The following PTPRT variants were observed in gnomAD, a reference collection of about 807,000 sequenced individuals.
The protein encoded by PTPRT is protein tyrosine phosphatase receptor type T.
In PTPRT, 56 loss-of-function variants were observed where a neutral mutation model predicts 176.8. The ratio of observed to expected loss-of-function variants is 0.32; its 90% CI spans 0.26 to 0.40. PTPRT has a LOEUF of 0.40. PTPRT is among the 10% of genes least tolerant of loss of function. The pLI, the probability that PTPRT is intolerant of heterozygous loss-of-function variation, is 1.00. For missense variants in PTPRT, 1,540 were observed against 1,908.2 expected (o/e 0.81, Z 3.60); for synonymous variants, 783 against 739.0 (o/e 1.06, Z -0.96).
At chr20:42,343,737 A>ACACTGGCCAGTGC (rs2058146161) in intron 11 of PTPRT, among the ~76,000 whole-genome samples, 1 of 152,208 alleles carries the variant, frequency 6.6e-6, no homozygotes, top group South Asian at 2.1e-4. Flanking sequence ...GATGTGCCCT[A>ACACTGGCCAGTGC]CACTGGCCAG....
intron 4 of PTPRT, among the ~76,000 whole-genome samples, chr20:42,779,560 ACTTATGG>A (rs1408540925): frequency 1.3e-5 from 2 of 152,206 alleles, no homozygotes; most frequent in African/African-American, 4.8e-5. Flanking sequence ...TGTACCCAGG[ACTTATGG>A]CCTCTGAGAT....
chr20:42,155,794 G>A (rs1989325038), intron 17 of PTPRT, among the ~76,000 whole-genome samples: 1 of 152,104 alleles, frequency 6.6e-6, no homozygotes, highest in Non-Finnish European at 1.5e-5. Context: ...GGTTTGGGCA[G>A]CCCCATATTT....
intron 17 of PTPRT, among the ~76,000 whole-genome samples, chr20:42,149,277 G>C (rs1989018503): frequency 6.6e-6 from 1 of 152,172 alleles, no homozygotes; most frequent in African/African-American, 2.4e-5. Flanking sequence ...CTCTAGAAAG[G>C]GAGGCTCTCC....
intron 1 of PTPRT, among the ~76,000 whole-genome samples, chr20:43,144,753 G>A (rs2146407616): frequency 6.6e-6 from 1 of 152,086 alleles, no homozygotes; most frequent in African/African-American, 2.4e-5. Context: ...GATGATGATT[G>A]CACAACTCTG....
intron 1 of PTPRT, among the ~76,000 whole-genome samples, chr20:43,094,302 G>T (rs1458476636): frequency 1.3e-5 from 2 of 149,998 alleles, no homozygotes; most frequent in African/African-American, 4.9e-5. Flanking sequence ...TGGCCAGGAT[G>T]GTCTCCATCT....
At chr20:42,126,502 T>C (rs1246367336) in intron 19 of PTPRT, among the ~76,000 whole-genome samples, 1 of 152,218 alleles carries the variant, frequency 6.6e-6, no homozygotes, top group African/African-American at 2.4e-5. Context: ...TGAAAGGTGA[T>C]CAGTAATTCT....
In PTPRT at chr20:43,042,325, T is replaced by C. The variant is rs549968897; in HGVS notation, c.88+147321A>G. ...GTAGGCTGCAATTTAAAATGTCTCA[T>C]CGTCCAGTGATCCAGGCGATAATTT... On this transcript the variant is annotated intron_variant, in intron 1 of 30. Transcript: ENST00000373187. Among the ~76,000 whole-genome samples, 12 of 152,128 alleles carry C rather than the reference T, an allele frequency of 7.9e-5. No individual in the cohort carries two copies. In the East Asian group the frequency reaches 2.1e-3, roughly 27 times the overall value.
chr20:43,034,869 C>T (rs1280166204), intron 1 of PTPRT, among the ~76,000 whole-genome samples: 2 of 151,836 alleles, frequency 1.3e-5, no homozygotes, highest in African/African-American at 4.8e-5. Context: ...GAGGGGGGTC[C>T]CTGTCTGTCC....
At position 42,461,836 on chromosome 20, in the gene PTPRT, A is replaced by ATAG. The variant is rs200540408; in HGVS notation, c.1450+10427_1450+10429dup. Among the ~76,000 whole-genome samples the ATAG allele has an allele frequency of 8.7e-3, 1,328 of 152,102 alleles. 11 individuals are homozygous for ATAG. Among genetic ancestry groups the ATAG allele is most frequent in the Middle Eastern group, 0.014 (4 of 294 alleles). On this transcript the variant is annotated intron_variant, in intron 8 of 30. Transcript: ENST00000373187. Reference sequence around the variant, plus strand: ...AATGGATGCATAAGGAGGGGATGGAATAGCTTGAGGAGAAGATAGAGCTGG... The same window carrying ATAG: ...AATGGATGCATAAGGAGGGGATGGAATAGTAGCTTGAGGAGAAGATAGAGCTGG...
intron 7 of PTPRT, among the ~76,000 whole-genome samples, chr20:42,579,827 C>A (rs1021885959): frequency 6.6e-6 from 1 of 152,104 alleles, no homozygotes; most frequent in Non-Finnish European, 1.5e-5. Context: ...GAGTAGATTA[C>A]AAAAATTTTC....
chr20:42,453,117 T>A (rs971698579), intron 8 of PTPRT, among the ~76,000 whole-genome samples: 3 of 152,218 alleles, frequency 2.0e-5, no homozygotes, highest in Admixed American at 6.5e-5. Flanking sequence ...GTCTTATTCT[T>A]CTTTTGCAAA....
intron 6 of PTPRT, among the ~76,000 whole-genome samples, chr20:42,726,746 C>G (rs1159002250): frequency 1.3e-5 from 2 of 152,216 alleles, no homozygotes; most frequent in East Asian, 3.8e-4. Context: ...CTCTTGTCCT[C>G]CTCCTGCCTT....
intron 16 of PTPRT, among the ~76,000 whole-genome samples, chr20:42,162,898 T>TG (rs1989667412): frequency 6.6e-6 from 1 of 152,230 alleles, no homozygotes; most frequent in Non-Finnish European, 1.5e-5. Flanking sequence ...AGCCTGTTCC[T>TG]GGCAAGGAAA....
At chr20:42,034,890 T>C in the PTPRT span, among the ~76,000 whole-genome samples, 1,609 of 152,326 alleles carry the variant, frequency 0.011, 15 homozygotes, top group Non-Finnish European at 0.019. Flanking sequence ...TAAACCCTTC[T>C]GAGGCTTAAC....
chr20:42,220,926 G>A (rs1010052545), intron 15 of PTPRT, among the ~76,000 whole-genome samples: 6 of 152,142 alleles, frequency 3.9e-5, no homozygotes, highest in Admixed American at 6.5e-5. Flanking sequence ...GTGAAACAAC[G>A]AATGATCTTG....
intron 7 of PTPRT, among the ~76,000 whole-genome samples, chr20:42,668,435 TCA>T (rs2075354141): frequency 6.6e-6 from 1 of 152,178 alleles, no homozygotes; most frequent in African/African-American, 2.4e-5. Flanking sequence ...AAGCGGACTC[TCA>T]CTCTTCCCTC....
At chr20:42,335,880 T>C (rs1208943287) in intron 11 of PTPRT, among the ~76,000 whole-genome samples, 1 of 152,148 alleles carries the variant, frequency 6.6e-6, no homozygotes, top group Non-Finnish European at 1.5e-5. Context: ...TATAACATAG[T>C]AGTACACTCC....
chr20:43,091,310 G>A (rs940327935), intron 1 of PTPRT, among the ~76,000 whole-genome samples: 4 of 152,128 alleles, frequency 2.6e-5, no homozygotes, highest in African/African-American at 9.7e-5. Context: ...AATCCATGAA[G>A]GAATGGGGAT....
intron 2 of PTPRT, among the ~76,000 whole-genome samples, chr20:42,866,151 T>C (rs1367967336): frequency 1.3e-5 from 2 of 152,318 alleles, no homozygotes; most frequent in East Asian, 1.9e-4. Flanking sequence ...ATGTTCAGTC[T>C]ACCTGCTCAC....
Sources: allele counts gnomAD v4.1 joint callset (sites outside exome capture counted in the v4.1 genomes callset), GRCh38; gene constraint gnomAD v4.1.1; transcripts MANE v1.5; gene names NCBI Gene and HGNC (gene_info 2026-07-23, HGNC 2026-07-21).